The following RCBTB2 variants were observed in gnomAD, a reference collection of about 807,000 sequenced individuals.
RCBTB2 encodes the protein RCC1 and BTB domain-containing protein 2.
A neutral mutation model predicts 65.4 loss-of-function variants in RCBTB2; 55 were observed. The observed-to-expected ratio is 0.84, with a 90% CI of 0.68 to 1.05. RCBTB2 has a LOEUF of 1.05. Ranked by LOEUF, RCBTB2 falls within the 50% of genes least tolerant of loss-of-function variation. The pLI is 0.00. For missense variants in RCBTB2, 599 were observed against 680.1 expected (o/e 0.88, Z 1.33); for synonymous variants, 220 against 255.2 (o/e 0.86, Z 1.31).
chr13:48,515,399 C>A, intron 5 of RCBTB2, 44 bp from the exon 6 acceptor site: 1 of 1,577,918 alleles, frequency 6.3e-7, no homozygotes, highest in Non-Finnish European at 8.6e-7. Context: ...CTATTTCTAA[C>A]AAATCTATAA....
At chr13:48,500,949 G>A (rs1211232875) in intron 12 of RCBTB2, among the ~76,000 whole-genome samples, 1 of 152,210 alleles carries the variant, frequency 6.6e-6, no homozygotes, top group African/African-American at 2.4e-5. Context: ...GTGACTCACT[G>A]CAGTAGGATT....
At chr13:48,531,269 G>C (rs1952102897) in intron 1 of RCBTB2, among the ~76,000 whole-genome samples, 1 of 152,198 alleles carries the variant, frequency 6.6e-6, no homozygotes, top group South Asian at 2.1e-4. Context: ...GTTGAGTTCA[G>C]TAAAAAAATA....
chr13:48,503,038 AAAAAC>A (rs1170596649), intron 10 of RCBTB2, 124 bp from the exon 11 acceptor site: 26 of 1,120,742 alleles, frequency 2.3e-5, no homozygotes, highest in Non-Finnish European at 2.3e-5. Flanking sequence ...AGGAAAAGGA[AAAAAC>A]AAAACAAAAC....
At chr13:48,498,395 T>C (rs1295309405) in intron 13 of RCBTB2, among the ~76,000 whole-genome samples, 1 of 152,216 alleles carries the variant, frequency 6.6e-6, no homozygotes, top group Non-Finnish European at 1.5e-5. Flanking sequence ...ATTTGGAGTC[T>C]TGGCTACAGC....
upstream of RCBTB2, chr13:48,533,258 T>C (rs545715679): frequency 5.2e-4 from 151 of 290,056 alleles, no homozygotes; most frequent in African/African-American, 3.5e-3. Context: ...CCGCCGCCCC[T>C]CCCCTTTCTC....
At position 48,515,705 on chromosome 13, in the gene RCBTB2, C is replaced by G; in HGVS notation, c.79G>C (p.Asp27His). The G allele has an allele frequency of 6.2e-7, 1 of 1,613,286 alleles. No individual in the cohort carries two copies. Among genetic ancestry groups the G allele is most frequent in the Non-Finnish European group, 8.5e-7 (1 of 1,179,784 alleles). ...GAAAAAATTGGCCACTTTCCCACAT[C>G]TAACATCTTCAAAGATGACAGAGTA... ...QATLSSLKML[D>H]VGKWPIFSLC... is the part of the protein sequence containing the mutation. The change falls in exon 5 of 15, where the codon GAT (aspartate) becomes CAT (histidine). Residue 27 changes from aspartate (D) to histidine (H), a missense_variant. Transcript: ENST00000344532.
chr13:48,534,359 A>G (rs1021988426), upstream of RCBTB2, among the ~76,000 whole-genome samples: 3 of 152,136 alleles, frequency 2.0e-5, no homozygotes, highest in Admixed American at 1.3e-4. Context: ...GTGTGCCAAG[A>G]GGTTTATCTT....
At chr13:48,534,413 C>T (rs1310612608), upstream of RCBTB2, among the ~76,000 whole-genome samples, 2 of 152,134 alleles carry the variant, frequency 1.3e-5, no homozygotes, top group East Asian at 3.8e-4. Flanking sequence ...ATTATCCTTA[C>T]TTTACAGATA....
intron 10 of RCBTB2, among the ~76,000 whole-genome samples, chr13:48,504,744 G>C (rs968528302): frequency 6.6e-6 from 1 of 152,220 alleles, no homozygotes; most frequent in Non-Finnish European, 1.5e-5. Context: ...CAGAGCAAAG[G>C]TTGTGTAAGA....
At chr13:48,505,146 C>T (rs1178222314) in intron 10 of RCBTB2, among the ~76,000 whole-genome samples, 1 of 151,200 alleles carries the variant, frequency 6.6e-6, no homozygotes, top group Admixed American at 6.6e-5. Flanking sequence ...TAGCACTAGG[C>T]TGCGTGACTA....
In RCBTB2 at chr13:48,522,347, A is replaced by G; in HGVS notation, c.-63T>C. On this transcript the variant is annotated 5_prime_UTR_variant, in exon 3 of 15. Transcript: ENST00000344532. ...CTCTGGGATTGGAAAGTTCCAAATC[A>G]CGGGGAAGAGCGGACATCAATTCTC... 1 of 1,530,784 alleles carries G rather than the reference A, an allele frequency of 6.5e-7. No homozygotes were observed. The allele number at this position is 1,530,784 out of a possible 1,614,324, so 94.8% of individuals were successfully genotyped here. A position where few individuals can be genotyped will look rare whatever the true frequency, so the allele number is the denominator to read the frequency against.
rs1324237919 is a variant in RCBTB2 at position 48,533,076 on chromosome 13, A to G, written c.-267T>C. The G allele has an allele frequency of 2.2e-6, 1 of 453,756 alleles. No homozygotes were observed. The highest frequency in any genetic ancestry group is 4.4e-6 in the Non-Finnish European group (1 of 225,762). 28.1% of individuals were successfully genotyped at this position (453,756 alleles called of 1,614,324 possible). On this transcript the variant is annotated 5_prime_UTR_variant, in exon 1 of 15. Transcript: ENST00000344532. ...CCGCTCCGCCTCCTGGGTAGCGGTTACTGCACGGTCAGGGGCCCGGCGCCG... is the reference window on the plus strand; with the variant it reads ...CCGCTCCGCCTCCTGGGTAGCGGTTGCTGCACGGTCAGGGGCCCGGCGCCG...
chr13:48,493,780 T>A (rs572914780), intron 14 of RCBTB2, among the ~76,000 whole-genome samples: 2 of 152,244 alleles, frequency 1.3e-5, no homozygotes, highest in East Asian at 3.9e-4. Context: ...TCTTTCCATA[T>A]CACTTGTCAC....
chr13:48,512,229 C>G, intron 7 of RCBTB2, 55 bp from the exon 8 acceptor site: 1 of 1,488,258 alleles, frequency 6.7e-7, no homozygotes, highest in South Asian at 1.2e-5. Flanking sequence ...ACTGTCTCAA[C>G]TGGACACTGA....
chr13:48,502,283 C>T (rs901947861), intron 11 of RCBTB2, among the ~76,000 whole-genome samples: 4 of 152,126 alleles, frequency 2.6e-5, no homozygotes, highest in East Asian at 1.9e-4. Context: ...CTGAGGCCCA[C>T]GGTTTAAGAC....
chr13:48,521,214 G>A (rs768476140), intron 4 of RCBTB2, among the ~76,000 whole-genome samples: 7 of 152,236 alleles, frequency 4.6e-5, no homozygotes, highest in African/African-American at 1.2e-4. Context: ...GTCTGCACAC[G>A]GTAATGCTAC....
At chr13:48,498,082 C>A (rs899070078) in intron 13 of RCBTB2, among the ~76,000 whole-genome samples, 1 of 152,202 alleles carries the variant, frequency 6.6e-6, no homozygotes, top group African/African-American at 2.4e-5. Context: ...TTAGACCCCA[C>A]CACCAATGTG....
upstream of RCBTB2, among the ~76,000 whole-genome samples, chr13:48,535,072 T>C (rs576497694): frequency 6.6e-6 from 1 of 152,350 alleles, no homozygotes; most frequent in African/African-American, 2.4e-5. Flanking sequence ...AATTTTTGTA[T>C]CATTAATTTT....
intron 2 of RCBTB2, 104 bp from the exon 3 acceptor site, chr13:48,522,507 T>C: frequency 1.5e-6 from 1 of 646,386 alleles, no homozygotes; most frequent in East Asian, 2.8e-5. Context: ...ACAACAGCCA[T>C]CAAATATGTA....
Sources: gnomAD v4.1 joint callset for allele counts (sites outside exome capture counted in the v4.1 genomes callset) on GRCh38, gnomAD v4.1.1 for gene constraint, MANE v1.5 for transcripts, NCBI Gene and HGNC (gene_info 2026-07-23, HGNC 2026-07-21) for gene names.